The following BRIP1 variants were observed in gnomAD, a reference collection of about 807,000 sequenced individuals.
BRIP1 encodes BRCA1 interacting DNA helicase 1.
In BRIP1, 88 loss-of-function variants were observed where a neutral mutation model predicts 119.7. That is an observed-to-expected ratio of 0.74 (90% CI 0.62 to 0.88). The LOEUF (loss-of-function observed/expected upper bound fraction) is 0.88, where lower values mean the gene tolerates loss of function less well. Among genes scored for constraint, BRIP1 ranks in the 40% least tolerant of loss-of-function variants. The pLI, the probability that BRIP1 is intolerant of heterozygous loss-of-function variation, is 0.00. For synonymous variants in BRIP1, 443 were observed against 496.5 expected, an observed-to-expected ratio of 0.89 and a Z score of 1.43; for missense variants, 1,259 against 1,455.4, an observed-to-expected ratio of 0.87 and a Z score of 2.20.
rs1208424343 is a variant in BRIP1, at chr17:61,743,612, ATATGT to A, written c.2258-483_2258-479del. 3.3e-5 allele frequency among the ~76,000 whole-genome samples: 5 copies of A among 152,264 alleles called. No individual in the cohort carries two copies. Among genetic ancestry groups the A allele is most frequent in the East Asian group, 3.9e-4 (2 of 5,186 alleles). ...ATATATACACCATAAAAAGATACTG[ATATGT>A]TATATTACCTCTTTCTTGCATTGTT... On this transcript the variant is annotated intron_variant, in intron 15 of 19. Coordinates refer to ENST00000259008, the MANE Select transcript of BRIP1 (RefSeq NM_032043.3). This position sits in a 1 kb window ranked among gnomAD's most constrained non-coding sequence, Gnocchi z 4.3.
At chr17:61,784,610 G>A (rs1439414418) in intron 10 of BRIP1, among the ~76,000 whole-genome samples, 186 bp from the exon 11 acceptor site, 1 of 151,810 alleles carries the variant, frequency 6.6e-6, no homozygotes, top group African/African-American at 2.4e-5. Flanking sequence ...ATGGAAGTGG[G>A]GCATATCAGG....
intron 6 of BRIP1, among the ~76,000 whole-genome samples, chr17:61,838,970 A>G (rs556400093): frequency 2.0e-5 from 3 of 152,234 alleles, no homozygotes; most frequent in African/African-American, 7.2e-5. Context: ...GAAACCACCT[A>G]TCCCAAAATC....
Position 61,709,891 on chromosome 17 carries a change from A to G in BRIP1, c.2492+6060T>C, listed in dbSNP as rs1301217757. Among the ~76,000 whole-genome samples, 1 of 152,180 alleles carries G rather than the reference A, an allele frequency of 6.6e-6. No homozygotes were observed. The highest frequency in any genetic ancestry group is 1.5e-5 in the Non-Finnish European group (1 of 68,018). On this transcript the variant is annotated intron_variant, in intron 17 of 19. Coordinates refer to ENST00000259008, the MANE Select transcript of BRIP1 (RefSeq NM_032043.3). The surrounding 1 kb of genome is among the most constrained non-coding windows in gnomAD (Gnocchi z 5.0). ...AGTCCCATGTGTGCTTAAAAAAATT[A>G]ACATTAAAAGGAATCCATTGGTTTC...
rs2077003704 is a variant in BRIP1, at chr17:61,742,863, G to A, written c.2379+150C>T. 1 of 961,402 alleles carries A rather than the reference G, an allele frequency of 1.0e-6. No individual in the cohort carries two copies. The highest frequency in any genetic ancestry group is 1.5e-5 in the South Asian group (1 of 65,446). 59.6% of individuals were successfully genotyped at this position (961,402 alleles called of 1,614,324 possible). A position where few individuals can be genotyped will look rare whatever the true frequency, so the allele number is the denominator to read the frequency against. ...TGCTGTTGGAAAAATGGTGCTGAAA[G>A]ACTTGCACAATGCAGGGTTACCATA... On this transcript the variant is annotated intron_variant, in intron 16 of 19. Coordinates refer to ENST00000259008, the MANE Select transcript of BRIP1 (RefSeq NM_032043.3). This position sits in a 1 kb window ranked among gnomAD's most constrained non-coding sequence, Gnocchi z 4.7.
chr17:61,773,159 A>T (rs188324911), intron 14 of BRIP1, among the ~76,000 whole-genome samples: 3 of 152,096 alleles, frequency 2.0e-5, no homozygotes, highest in Non-Finnish European at 4.4e-5. Flanking sequence ...CATACAAATC[A>T]ATTAAAAAGA....
In BRIP1 at chr17:61,683,451, G is replaced by C. The variant is rs876659839; in HGVS notation, c.3595C>G (p.Leu1199Val). The change falls in exon 20 of 20, where the codon CTG becomes GTG. Residue 1199 changes from leucine to valine, a missense_variant. Coordinates refer to ENST00000259008, the MANE Select transcript of BRIP1 (RefSeq NM_032043.3). The surrounding 1 kb of genome is among the most constrained non-coding windows in gnomAD (Gnocchi z 4.7). ...TCAATTTTACTTTCTTCAATATGCA[G>C]AATTCCATTCAACTTTGTATCTATG... Reference protein sequence around the residue: ...DCIDTKLNGILHIEESKIDDI... With the variant: ...DCIDTKLNGIVHIEESKIDDI... 3.7e-6 allele frequency: 6 copies of C among 1,613,356 alleles called. No individual in the cohort carries two copies. The South Asian group carries it at 6.6e-5, about 18-fold the overall frequency.
Position 61,690,974 on chromosome 17 carries a change from T to C in BRIP1, c.2575+2456A>G, listed in dbSNP as rs998121518. 6.6e-6 allele frequency among the ~76,000 whole-genome samples: 1 copy of C among 150,498 alleles called. No individual in the cohort carries two copies. The highest frequency in any genetic ancestry group is 2.5e-5 in the African/African-American group (1 of 40,784). On this transcript the variant is annotated intron_variant, in intron 18 of 19. Coordinates refer to ENST00000259008, the MANE Select transcript of BRIP1 (RefSeq NM_032043.3). The surrounding 1 kb of genome is among the most constrained non-coding windows in gnomAD (Gnocchi z 5.6). ...CTGGAAACCATCATTCTCAGCACAC[T>C]ACCGCAAGGACAGAAAACCAAACAT...
At chr17:61,711,154 A>G (rs570193601) in intron 17 of BRIP1, among the ~76,000 whole-genome samples, 8 of 152,192 alleles carry the variant, frequency 5.3e-5, no homozygotes, top group Non-Finnish European at 1.0e-4. Flanking sequence ...GAAGAATCAA[A>G]TGAGATAATA....
chr17:61,726,334 G>A lies in BRIP1; in HGVS notation c.2380-10271C>T, dbSNP rs2076765799. Among the ~76,000 whole-genome samples, 1 of 152,290 alleles carries A rather than the reference G, an allele frequency of 6.6e-6. No homozygotes were observed. The highest frequency in any genetic ancestry group is 2.4e-5 in the African/African-American group (1 of 41,556). On this transcript the variant is annotated intron_variant, in intron 16 of 19. Transcript: ENST00000259008. This position sits in a 1 kb window ranked among gnomAD's most constrained non-coding sequence, Gnocchi z 6.2. ...AAAGCATCAGATACTAGAGGTAAGT[G>A]GACGAGAAAGTCATTACTTACCCCA... is the stretch of plus-strand genomic sequence containing the variant.
In BRIP1 at chr17:61,776,474, T is replaced by C. The variant is rs1555601081; in HGVS notation, c.2024A>G (p.Glu675Gly). The C allele has an allele frequency of 6.2e-7, 1 of 1,614,174 alleles. No individual in the cohort carries two copies. The highest frequency in any genetic ancestry group is 8.5e-7 in the Non-Finnish European group (1 of 1,180,030). ...QNTETFEFQD[E>G]VGALLLSVCQ... ...CACAGATAACAAAAGTGCTCCCACTTCATCTTGGAACTCAAATGTTTCAGT... is the reference window on the plus strand; with the variant it reads ...CACAGATAACAAAAGTGCTCCCACTCCATCTTGGAACTCAAATGTTTCAGT... The change falls in exon 14 of 20, where the codon GAA becomes GGA. Residue 675 changes from glutamate to glycine, a missense_variant. Glu to Gly is a moderately conservative substitution (Grantham distance 98, BLOSUM62 -2). This residue lies in a region of BRIP1 where 753 missense variants were observed against 891.8 expected (regional missense o/e 0.84). Transcript: ENST00000259008. This position sits in a 1 kb window ranked among gnomAD's most constrained non-coding sequence, Gnocchi z 5.0.
At chr17:61,819,201 A>G (rs74376017) in intron 6 of BRIP1, among the ~76,000 whole-genome samples, 4 of 132,782 alleles carry the variant, frequency 3.0e-5, no homozygotes, top group Admixed American at 7.3e-5. Context: ...AAAAAAAAAA[A>G]GGCTTTTATC....
Position 61,751,056 on chromosome 17 carries a change from TC to T in BRIP1, c.2098-6466del, listed in dbSNP as rs2077125140. ...ATGCTGATGTTTATAGAAGCATTAT[TC>T]CCAATAACCAAATAGTGGAAACAAC... is the stretch of plus-strand genomic sequence containing the variant. On this transcript the variant is annotated intron_variant, in intron 14 of 19. Coordinates refer to ENST00000259008, the MANE Select transcript of BRIP1 (RefSeq NM_032043.3). The surrounding 1 kb of genome is among the most constrained non-coding windows in gnomAD (Gnocchi z 6.7). Among the ~76,000 whole-genome samples the T allele has an allele frequency of 6.6e-6, 1 of 152,214 alleles. No homozygotes were observed.
In BRIP1 at chr17:61,730,706, T is replaced by G. The variant is rs2076833104; in HGVS notation, c.2379+12307A>C. Among the ~76,000 whole-genome samples, 1 of 152,150 alleles carries G rather than the reference T, an allele frequency of 6.6e-6. No homozygotes were observed. The highest frequency in any genetic ancestry group is 2.1e-4 in the South Asian group (1 of 4,824). ...TATTTTCAGGCATGGCTTTATGTAT[T>G]TATTTATTTATTTTTTGCTAAGGAA... On this transcript the variant is annotated intron_variant, in intron 16 of 19. Transcript: ENST00000259008. The surrounding 1 kb of genome is among the most constrained non-coding windows in gnomAD (Gnocchi z 4.3).
At position 61,831,102 on chromosome 17, in the gene BRIP1, A is replaced by C. The variant is rs1026237939; in HGVS notation, c.627+15999T>G. On this transcript the variant is annotated intron_variant, in intron 6 of 19. Coordinates refer to ENST00000259008, the MANE Select transcript of BRIP1 (RefSeq NM_032043.3). This position sits in a 1 kb window ranked among gnomAD's most constrained non-coding sequence, Gnocchi z 4.1. ...TCATTATAAAAATGTTCAGCCAACT[A>C]GCGATAGAAGGAAACTTCTTTAGCC... Among the ~76,000 whole-genome samples, 5 of 152,248 alleles carry C rather than the reference A, an allele frequency of 3.3e-5. No homozygotes were observed. The highest frequency in any genetic ancestry group is 5.9e-5 in the Non-Finnish European group (4 of 68,034).
At chr17:61,715,390 T>A (rs2061844707) in intron 17 of BRIP1, among the ~76,000 whole-genome samples, 2 of 152,220 alleles carry the variant, frequency 1.3e-5, no homozygotes, top group South Asian at 4.1e-4. Flanking sequence ...TTCTGTCAGA[T>A]GTCTTCTTTA....
At position 61,738,675 on chromosome 17, in the gene BRIP1, G is replaced by A. The variant is rs892349826; in HGVS notation, c.2379+4338C>T. On this transcript the variant is annotated intron_variant, in intron 16 of 19. Transcript: ENST00000259008. The surrounding 1 kb of genome is among the most constrained non-coding windows in gnomAD (Gnocchi z 4.2). ...AATAACAATGTTCAAAATCATAGCTGTTGAGGCAAAGGTGGAGAAAAGAGA... is the reference window on the plus strand; with the variant it reads ...AATAACAATGTTCAAAATCATAGCTATTGAGGCAAAGGTGGAGAAAAGAGA... Among the ~76,000 whole-genome samples, 2 of 152,256 alleles carry A rather than the reference G, an allele frequency of 1.3e-5. No homozygotes were observed. Among genetic ancestry groups the A allele is most frequent in the African/African-American group, 4.8e-5 (2 of 41,554 alleles).
At chr17:61,801,743 AAT>A (rs1567832428) in intron 7 of BRIP1, among the ~76,000 whole-genome samples, 2 of 152,212 alleles carry the variant, frequency 1.3e-5, no homozygotes, top group Non-Finnish European at 2.9e-5. Flanking sequence ...ATTTCTTTTA[AAT>A]ATGTTTGTTA....
In BRIP1 at chr17:61,851,542, G is replaced by A. The variant is rs1056679392; in HGVS notation, c.380-2286C>T. On this transcript the variant is annotated intron_variant, in intron 4 of 19. Transcript: ENST00000259008. The surrounding 1 kb of genome is among the most constrained non-coding windows in gnomAD (Gnocchi z 4.6). The stretch of plus-strand genomic sequence containing the variant: ...TCTTCCTTTCCCCTACAAGCTGTAG[G>A]GGCACTTCTATAAAAATATCAAGTT... Among the ~76,000 whole-genome samples the A allele has an allele frequency of 1.3e-5, 2 of 151,994 alleles. No individual in the cohort carries two copies. The highest frequency in any genetic ancestry group is 2.4e-5 in the African/African-American group (1 of 41,372).
At chr17:61,764,003 A>G (rs1366373226) in intron 14 of BRIP1, among the ~76,000 whole-genome samples, 1 of 152,160 alleles carries the variant, frequency 6.6e-6, no homozygotes. Flanking sequence ...ATAAAATACT[A>G]CCCAATATCC....
Sources: allele counts gnomAD v4.1 joint callset (sites outside exome capture counted in the v4.1 genomes callset), GRCh38; gene constraint gnomAD v4.1.1; regional missense constraint gnomAD v4.1.1; non-coding constraint Gnocchi (gnomAD v3.1); transcripts MANE v1.5; gene names NCBI Gene and HGNC (gene_info 2026-07-23, HGNC 2026-07-21).